KIF21A: variants seen among roughly 807,000 people sequenced by gnomAD.
The protein encoded by KIF21A is kinesin-like protein KIF21A.
KIF21A carries 114 observed loss-of-function variants against 202.9 expected under a neutral mutation model. The ratio of observed to expected loss-of-function variants is 0.56; its 90% CI spans 0.48 to 0.66. The LOEUF (loss-of-function observed/expected upper bound fraction) is 0.66. Ranked by LOEUF, KIF21A falls within the 30% of genes least tolerant of loss-of-function variation. KIF21A has a pLI of 0.00. For missense variants in KIF21A, 1,677 were observed against 1,994.9 expected (o/e 0.84, Z 3.04); for synonymous variants, 667 against 670.8 (o/e 0.99, Z 0.09).
chr12:39,403,642 T>C (rs573929948), intron 1 of KIF21A, among the ~76,000 whole-genome samples: 1 of 152,308 alleles, frequency 6.6e-6, no homozygotes, highest in Admixed American at 6.5e-5. Context: ...TTACCTACCT[T>C]ACAGGCTTTT....
chr12:39,367,110 T>C lies in KIF21A; in HGVS notation c.655A>G (p.Met219Val). The change falls in exon 5 of 38, where the codon ATG (methionine) becomes GTG (valine). Residue 219 changes from methionine (M) to valine (V), a missense_variant. Coordinates refer to ENST00000361418, the MANE Select transcript of KIF21A (RefSeq NM_001173464.2). ...ALSRTTASTQMNVQSSRSHAI... is the reference protein window; with the variant it reads ...ALSRTTASTQVNVQSSRSHAI... ...TGTGAACGAGAGCTCTGAACATTCA[T>C]CTGGGTACTGGCAGTTGTCCGGGAT... 6.2e-7 allele frequency: 1 copy of C among 1,613,886 alleles called. No individual in the cohort carries two copies. Among genetic ancestry groups the C allele is most frequent in the Non-Finnish European group, 8.5e-7 (1 of 1,179,776 alleles).
intron 1 of KIF21A, among the ~76,000 whole-genome samples, chr12:39,430,540 TG>T (rs566854567): frequency 4.3e-4 from 64 of 150,010 alleles, no homozygotes; most frequent in Non-Finnish European, 8.0e-4. Flanking sequence ...CACTCCAGCC[TG>T]GGGGACAAGA....
At chr12:39,329,938 T>G (rs1946363893) in intron 24 of KIF21A, 1 of 281,410 alleles carries the variant, frequency 3.6e-6, no homozygotes, top group Admixed American at 4.8e-5. Flanking sequence ...AATATTATGT[T>G]TTTCTATAAG....
intron 7 of KIF21A, among the ~76,000 whole-genome samples, chr12:39,362,517 A>G (rs1592342047): frequency 6.6e-6 from 1 of 152,182 alleles, no homozygotes; most frequent in Non-Finnish European, 1.5e-5. Flanking sequence ...AAGCTGAAAA[A>G]ACATATCAGA....
At chr12:39,354,160 T>A (rs1163892387) in intron 10 of KIF21A, among the ~76,000 whole-genome samples, 1 of 152,134 alleles carries the variant, frequency 6.6e-6, no homozygotes, top group Non-Finnish European at 1.5e-5. Flanking sequence ...ATTTAAAAAA[T>A]AGTAAGTATT....
chr12:39,438,721 G>C (rs1043936888), intron 1 of KIF21A, among the ~76,000 whole-genome samples: 2 of 151,954 alleles, frequency 1.3e-5, no homozygotes, highest in Non-Finnish European at 2.9e-5. Flanking sequence ...AAAACACAAA[G>C]GTCCTTTCTG....
rs371913725 is a variant in KIF21A at position 39,317,533 on chromosome 12, C to G, written c.3908+540G>C. Among the ~76,000 whole-genome samples, 22 of 152,252 alleles carry G rather than the reference C, an allele frequency of 1.4e-4. No homozygotes were observed. In the East Asian group the frequency reaches 3.3e-3, roughly 23 times the overall value. ...ACTTCTCCACCCCTGCAACCCACTC[C>G]CAGTCCTACTCTCTCCATCCGTAAA... On this transcript the variant is annotated intron_variant, in intron 29 of 37. Transcript: ENST00000361418.
intron 1 of KIF21A, among the ~76,000 whole-genome samples, chr12:39,377,714 C>T (rs1427984581): frequency 6.6e-6 from 1 of 152,108 alleles, no homozygotes; most frequent in South Asian, 2.1e-4. Flanking sequence ...AGAAACACAC[C>T]TCAGTAACTC....
chr12:39,370,096 T>C lies in KIF21A; in HGVS notation c.210A>G (p.Glu70=), dbSNP rs375950963. Residue 70 remains glutamate (E), a synonymous_variant, in exon 2 of 38, where the codon GAA becomes GAG. Coordinates refer to ENST00000361418, the MANE Select transcript of KIF21A (RefSeq NM_001173464.2). ...CTTCAAAGCAACCTTCAATTAGTTT[T>C]TCTATACATTGAATGTAGATCTGCT... ...QQEQIYIQCI[E]KLIEGCFEGY... is the part of the protein sequence containing the mutation. 2.4e-5 allele frequency: 39 copies of C among 1,613,724 alleles called. No individual in the cohort carries two copies. Among genetic ancestry groups the C allele is most frequent in the Non-Finnish European group, 3.1e-5 (36 of 1,179,826 alleles).
Position 39,368,065 on chromosome 12 carries a change from C to T in KIF21A, c.451-33G>A, listed in dbSNP as rs1565999546. On this transcript the variant is annotated intron_variant, in intron 3 of 37. Coordinates refer to ENST00000361418, the MANE Select transcript of KIF21A (RefSeq NM_001173464.2). ...AAAAATATTAGAAATCTAATTTTAG[C>T]AGAAATTGTCTGGGTAGTTGTCATA... 4 of 1,379,192 alleles carry T rather than the reference C, an allele frequency of 2.9e-6. No homozygotes were observed. The South Asian group carries it at 3.5e-5, about 12-fold the overall frequency. The allele number at this position is 1,379,192 out of a possible 1,614,324, so 85.4% of individuals were successfully genotyped here. A position where few individuals can be genotyped will look rare whatever the true frequency, so the allele number is the denominator to read the frequency against.
chr12:39,326,228 A>G (rs1170676223), intron 25 of KIF21A, 36 bp downstream of exon 25: 1 of 1,434,552 alleles, frequency 7.0e-7, no homozygotes, highest in Admixed American at 1.7e-5. Flanking sequence ...AAATATGTAA[A>G]TAAGTCAACT....
chr12:39,377,859 T>C (rs969746295), intron 1 of KIF21A, among the ~76,000 whole-genome samples: 1 of 152,208 alleles, frequency 6.6e-6, no homozygotes, highest in Admixed American at 6.5e-5. Flanking sequence ...CCATTAATGA[T>C]GAACAGCTGT....
intron 23 of KIF21A, 56 bp from the exon 24 acceptor site, chr12:39,330,318 C>A: frequency 6.6e-7 from 1 of 1,521,988 alleles, no homozygotes; most frequent in South Asian, 1.1e-5. Context: ...CAAAACAGAT[C>A]CAATGTTAAA....
At chr12:39,423,465 T>C (rs78626694) in intron 1 of KIF21A, among the ~76,000 whole-genome samples, 58 of 152,150 alleles carry the variant, frequency 3.8e-4, no homozygotes, top group African/African-American at 1.4e-3. Context: ...TCAGCATTCT[T>C]GGCAACTTCA....
At chr12:39,366,281 T>C in intron 6 of KIF21A, 69 bp downstream of exon 6, 2 of 1,393,836 alleles carry the variant, frequency 1.4e-6, no homozygotes, top group Non-Finnish European at 2.0e-6. Context: ...ATGGATATTA[T>C]AAATTACAAA....
At chr12:39,432,073 A>C (rs1181146073) in intron 1 of KIF21A, among the ~76,000 whole-genome samples, 1 of 152,214 alleles carries the variant, frequency 6.6e-6, no homozygotes, top group Non-Finnish European at 1.5e-5. Flanking sequence ...CGCTACTCAA[A>C]GAGAAGTGTT....
At chr12:39,397,166 G>A (rs867750744) in intron 1 of KIF21A, among the ~76,000 whole-genome samples, 4 of 152,194 alleles carry the variant, frequency 2.6e-5, no homozygotes, top group Middle Eastern at 6.8e-3. Context: ...TACTTGCATT[G>A]GGTGAATTTT....
intron 1 of KIF21A, among the ~76,000 whole-genome samples, chr12:39,382,663 C>T (rs1183369068): frequency 6.6e-6 from 1 of 152,080 alleles, no homozygotes; most frequent in East Asian, 1.9e-4. Context: ...TACTGTCATG[C>T]TTACTAAGGC....
At chr12:39,389,584 T>C (rs1370166787) in intron 1 of KIF21A, among the ~76,000 whole-genome samples, 1 of 152,218 alleles carries the variant, frequency 6.6e-6, no homozygotes, top group Non-Finnish European at 1.5e-5. Context: ...GAGCAATTTA[T>C]ACCATAAAAG....
Sources: gnomAD v4.1 joint callset for allele counts (sites outside exome capture counted in the v4.1 genomes callset) on GRCh38, gnomAD v4.1.1 for gene constraint, MANE v1.5 for transcripts, NCBI Gene and HGNC (gene_info 2026-07-23, HGNC 2026-07-21) for gene names.